Variants in NRF1 observed in about 807,000 individuals in gnomAD.
The protein encoded by NRF1 is nuclear respiratory factor 1, also known as alpha palindromic-binding protein.
NRF1 carries 5 observed loss-of-function variants against 58.5 expected under a neutral mutation model. That is an observed-to-expected ratio of 0.09 (90% confidence interval 0.04 to 0.18). The LOEUF (loss-of-function observed/expected upper bound fraction) is 0.18, where lower values mean the gene tolerates loss of function less well. NRF1 is among the 10% of genes least tolerant of loss of function. NRF1 has a pLI of 1.00. For missense variants in NRF1, 288 were observed against 657.7 expected (o/e 0.44, Z 6.15); for synonymous variants, 224 against 246.7 (o/e 0.91, Z 0.86).
chr7:129,716,313 AAG>A (rs1803188155), intron 8 of NRF1, among the ~76,000 whole-genome samples: 1 of 152,132 alleles, frequency 6.6e-6, no homozygotes, highest in African/African-American at 2.4e-5. Flanking sequence ...AAAATAATAA[AAG>A]AGAAAATAGG....
chr7:129,740,690 G>C (rs1306812818), intron 10 of NRF1, among the ~76,000 whole-genome samples: 1 of 152,216 alleles, frequency 6.6e-6, no homozygotes, highest in Non-Finnish European at 1.5e-5. Flanking sequence ...ACTGCCTCAT[G>C]AGAGTATCTC....
intron 1 of NRF1, among the ~76,000 whole-genome samples, chr7:129,623,976 T>G (rs1235891049): frequency 6.6e-6 from 1 of 152,242 alleles, no homozygotes; most frequent in Non-Finnish European, 1.5e-5. Context: ...CTGAAAGGTA[T>G]GAAAGCAAGA....
intron 1 of NRF1, among the ~76,000 whole-genome samples, chr7:129,647,322 G>A (rs959102488): frequency 3.3e-5 from 5 of 151,886 alleles, no homozygotes; most frequent in East Asian, 1.9e-4. Flanking sequence ...CATGCCTGGC[G>A]CTTACAGTAT....
intron 1 of NRF1, among the ~76,000 whole-genome samples, chr7:129,619,506 A>G (rs1167030628): frequency 2.7e-4 from 36 of 131,600 alleles, no homozygotes; most frequent in African/African-American, 1.0e-3. Context: ...ATATATATAT[A>G]TATATATGTA....
chr7:129,714,462 C>T (rs1302029211), intron 8 of NRF1, among the ~76,000 whole-genome samples: 1 of 152,118 alleles, frequency 6.6e-6, no homozygotes, highest in African/African-American at 2.4e-5. Flanking sequence ...ACAGCACTGC[C>T]CGGCTTCAGT....
chr7:129,657,254 T>A, intron 1 of NRF1, 92 bp from the exon 2 acceptor site: 2 of 922,230 alleles, frequency 2.2e-6, no homozygotes. Context: ...TTGTCAAGGT[T>A]CCTCTGCTCT....
chr7:129,616,062 C>T (rs1800653196), intron 1 of NRF1, among the ~76,000 whole-genome samples: 1 of 151,996 alleles, frequency 6.6e-6, no homozygotes, highest in African/African-American at 2.4e-5. Context: ...TACACACACA[C>T]ATATATATAT....
rs1260099991 is a variant in NRF1, at chr7:129,690,442, G to A, written c.502G>A (p.Glu168Lys). 1 of 1,614,140 alleles carries A rather than the reference G, an allele frequency of 6.2e-7. No homozygotes were observed. Among genetic ancestry groups the A allele is most frequent in the South Asian group, 1.1e-5 (1 of 91,072 alleles). The part of the protein sequence containing the change: ...KYKSMILEDL[E>K]SALAEHAPAP... Reference sequence around the variant, plus strand: ...CAAGAGCATGATCCTGGAAGACCTGGAGTCTGCTCTGGCAGAACACGCCCC... The same window carrying A: ...CAAGAGCATGATCCTGGAAGACCTGAAGTCTGCTCTGGCAGAACACGCCCC... The change falls in exon 5 of 11, where the codon GAG (glutamate) becomes AAG (lysine). Residue 168 changes from glutamate to lysine, a missense_variant. Physicochemically the swap from Glu to Lys is moderately conservative, Grantham distance 56 (BLOSUM62 1). Around this residue, in one of 3 missense-constraint regions of NRF1, gnomAD observed 212 missense variants for 559.7 expected, o/e 0.38. Coordinates refer to ENST00000393232, the MANE Select transcript of NRF1 (RefSeq NM_005011.5).
At chr7:129,692,733 TC>T (rs1286562640) in intron 5 of NRF1, among the ~76,000 whole-genome samples, 1 of 152,106 alleles carries the variant, frequency 6.6e-6, no homozygotes, top group East Asian at 1.9e-4. Flanking sequence ...CTCATCATCT[TC>T]CCCTCAGTCA....
At chr7:129,658,833 T>C (rs1419952897) in intron 2 of NRF1, among the ~76,000 whole-genome samples, 1 of 152,096 alleles carries the variant, frequency 6.6e-6, no homozygotes, top group Non-Finnish European at 1.5e-5. Flanking sequence ...AGTAACAATA[T>C]AACAATTAAA....
chr7:129,642,586 T>C (rs533601549), intron 1 of NRF1, among the ~76,000 whole-genome samples: 19 of 152,108 alleles, frequency 1.2e-4, no homozygotes, highest in African/African-American at 4.6e-4. Flanking sequence ...CAAAACCAAC[T>C]GTATAAGAAA....
At chr7:129,698,453 A>G (rs538232219) in intron 5 of NRF1, among the ~76,000 whole-genome samples, 256 of 152,228 alleles carry the variant, frequency 1.7e-3, no homozygotes, top group Non-Finnish European at 3.0e-3. Flanking sequence ...AACTTATTCT[A>G]TACTTACTCC....
chr7:129,751,011 G>A (rs114430883), intron 10 of NRF1, among the ~76,000 whole-genome samples: 59 of 152,284 alleles, frequency 3.9e-4, no homozygotes, highest in African/African-American at 1.2e-3. Context: ...AGGAATCTAC[G>A]GTCTCCTTGG....
At chr7:129,664,831 G>A (rs1306787065) in intron 2 of NRF1, among the ~76,000 whole-genome samples, 2 of 152,192 alleles carry the variant, frequency 1.3e-5, no homozygotes, top group African/African-American at 4.8e-5. Context: ...GTACATATAT[G>A]TAACCTATGT....
At chr7:129,651,577 T>C (rs1157367637) in intron 1 of NRF1, among the ~76,000 whole-genome samples, 2 of 152,144 alleles carry the variant, frequency 1.3e-5, no homozygotes, top group Non-Finnish European at 2.9e-5. Context: ...TGAAATCCAT[T>C]ATGCCAAGCG....
intron 10 of NRF1, among the ~76,000 whole-genome samples, chr7:129,753,175 A>C (rs573710546): frequency 6.6e-6 from 1 of 152,312 alleles, no homozygotes; most frequent in African/African-American, 2.4e-5. Context: ...AACCCTTTTT[A>C]AAATAATTTT....
intron 1 of NRF1, among the ~76,000 whole-genome samples, chr7:129,639,140 G>A (rs1357857551): frequency 1.3e-5 from 2 of 151,820 alleles, no homozygotes; most frequent in East Asian, 3.9e-4. Flanking sequence ...GCTTACTGCA[G>A]CCTCGACCTC....
chr7:129,653,993 G>A (rs534320181), intron 1 of NRF1, among the ~76,000 whole-genome samples: 5 of 152,264 alleles, frequency 3.3e-5, no homozygotes, highest in South Asian at 2.1e-4. Flanking sequence ...ATACAAAGGC[G>A]TGTAATTGCT....
At chr7:129,736,723 C>G (rs185427770) in intron 10 of NRF1, among the ~76,000 whole-genome samples, 4 of 150,916 alleles carry the variant, frequency 2.7e-5, no homozygotes, top group Non-Finnish European at 4.4e-5. Flanking sequence ...CACCCCCACC[C>G]CCACCCCTGT....
Sources: allele counts gnomAD v4.1 joint callset (sites outside exome capture counted in the v4.1 genomes callset), GRCh38; gene constraint gnomAD v4.1.1; regional missense constraint gnomAD v4.1.1; transcripts MANE v1.5; gene names NCBI Gene and HGNC (gene_info 2026-07-23, HGNC 2026-07-21).